The following CSMD3 variants were observed in gnomAD, a reference collection of about 807,000 sequenced individuals.
CSMD3 encodes the protein CUB and Sushi multiple domains 3.
A neutral mutation model predicts 435.2 loss-of-function variants in CSMD3; 177 were observed. The ratio of observed to expected loss-of-function variants is 0.41; its 90% CI spans 0.36 to 0.46. The LOEUF is 0.46. Ranked by LOEUF, CSMD3 falls within the 20% of genes least tolerant of loss-of-function variation. CSMD3 has a pLI of 0.34. For synonymous variants in CSMD3, 1,656 were observed against 1,520.5 expected (o/e 1.09, Z -2.07); for missense variants, 4,265 against 4,504.6 (o/e 0.95, Z 1.52).
intron 3 of CSMD3, among the ~76,000 whole-genome samples, chr8:113,213,706 G>T (rs1040666364): frequency 3.3e-5 from 5 of 151,770 alleles, no homozygotes; most frequent in African/African-American, 1.2e-4. Context: ...CTATTACAAT[G>T]ATTTTATAAT....
intron 3 of CSMD3, among the ~76,000 whole-genome samples, chr8:113,194,281 T>C (rs2092625242): frequency 6.6e-6 from 1 of 151,270 alleles, no homozygotes; most frequent in Non-Finnish European, 1.5e-5. Flanking sequence ...TAACTAAATG[T>C]AGTTGTCAGT....
chr8:112,980,710 C>T (rs555702728), intron 6 of CSMD3, among the ~76,000 whole-genome samples: 3 of 151,250 alleles, frequency 2.0e-5, no homozygotes, highest in South Asian at 2.1e-4. Flanking sequence ...TAATTGAATA[C>T]GAGGGTATGA....
intron 61 of CSMD3, among the ~76,000 whole-genome samples, chr8:112,261,907 T>C (rs986091470): frequency 1.3e-5 from 2 of 151,710 alleles, no homozygotes; most frequent in African/African-American, 4.8e-5. Flanking sequence ...TTTTTTATTT[T>C]AGAAAAAAAA....
At chr8:113,102,055 TCCA>T (rs2090346264) in intron 4 of CSMD3, among the ~76,000 whole-genome samples, 1 of 152,136 alleles carries the variant, frequency 6.6e-6, no homozygotes, top group African/African-American at 2.4e-5. Flanking sequence ...AACTCTTGAA[TCCA>T]GTGCTGTGCT....
chr8:112,378,647 A>AGAGGCT, intron 38 of CSMD3, among the ~76,000 whole-genome samples: 1 of 152,302 alleles, frequency 6.6e-6, no homozygotes, highest in East Asian at 1.9e-4. Flanking sequence ...GATGATTACC[A>AGAGGCT]GAGGCTGACT....
chr8:113,283,305 G>A (rs1039562533), intron 2 of CSMD3, among the ~76,000 whole-genome samples: 2 of 152,008 alleles, frequency 1.3e-5, no homozygotes, highest in African/African-American at 4.8e-5. Flanking sequence ...ACAACCCACA[G>A]AGTGTGAGAA....
At chr8:112,898,851 T>C (rs2082024556) in intron 10 of CSMD3, among the ~76,000 whole-genome samples, 1 of 151,180 alleles carries the variant, frequency 6.6e-6, no homozygotes. Context: ...AATCCCCAAA[T>C]CTTTGTTGGA....
At chr8:113,371,795 C>A (rs1438134068) in intron 1 of CSMD3, among the ~76,000 whole-genome samples, 2 of 152,100 alleles carry the variant, frequency 1.3e-5, no homozygotes, top group African/African-American at 4.8e-5. Flanking sequence ...TACAAACGCA[C>A]TAAACAACTG....
Position 112,237,329 on chromosome 8 carries a change from G to A in CSMD3, c.10488C>T (p.Ala3496=), listed in dbSNP as rs2129993643. 6.2e-7 allele frequency: 1 copy of A among 1,610,764 alleles called. No homozygotes were observed. Residue 3496 remains alanine, a synonymous_variant, in exon 67 of 71, where the codon GCC becomes GCT. Transcript: ENST00000297405. The part of the protein sequence containing the change: ...PKLSVPDDVF[A]QNYIWKGSYN... The stretch of plus-strand genomic sequence containing the variant: ...AAGAGCCTTTCCATATATAATTTTG[G>A]GCAAATACATCATCAGGAACTGTGA...
At chr8:112,870,645 T>C (rs943881407) in intron 10 of CSMD3, among the ~76,000 whole-genome samples, 2 of 152,126 alleles carry the variant, frequency 1.3e-5, no homozygotes, top group Non-Finnish European at 2.9e-5. Context: ...GACTATTAGA[T>C]AATATGTTTT....
intron 4 of CSMD3, among the ~76,000 whole-genome samples, chr8:113,167,463 C>T (rs1192411118): frequency 1.3e-5 from 2 of 152,152 alleles, no homozygotes; most frequent in African/African-American, 4.8e-5. Flanking sequence ...AGGTCTTCTA[C>T]CCCTAAAGAC....
At chr8:112,941,451 T>G (rs1384605560) in intron 9 of CSMD3, among the ~76,000 whole-genome samples, 1 of 151,822 alleles carries the variant, frequency 6.6e-6, no homozygotes, top group Non-Finnish European at 1.5e-5. Flanking sequence ...ATCGGCAGCT[T>G]GTAAAACTGA....
intron 5 of CSMD3, among the ~76,000 whole-genome samples, chr8:113,088,576 T>G (rs1430026191): frequency 6.6e-6 from 1 of 151,780 alleles, no homozygotes; most frequent in African/African-American, 2.4e-5. Context: ...TGGATGAAGC[T>G]GGAAATCATC....
chr8:113,160,721 T>C (rs2092023269), intron 4 of CSMD3, among the ~76,000 whole-genome samples: 1 of 152,060 alleles, frequency 6.6e-6, no homozygotes, highest in Non-Finnish European at 1.5e-5. Context: ...TATTCAAAAA[T>C]AACTGAACTG....
intron 22 of CSMD3, among the ~76,000 whole-genome samples, chr8:112,616,076 C>T (rs1051893045): frequency 2.6e-4 from 40 of 152,170 alleles, no homozygotes; most frequent in African/African-American, 9.2e-4. Context: ...AAAAGTGACT[C>T]GAGTCAGAAT....
intron 3 of CSMD3, among the ~76,000 whole-genome samples, chr8:113,246,152 T>A (rs1292485367): frequency 6.6e-6 from 1 of 151,956 alleles, no homozygotes; most frequent in Admixed American, 6.6e-5. Context: ...TTTCTTATTA[T>A]TTCTATTTTT....
At chr8:113,182,401 G>T (rs2092434075) in intron 3 of CSMD3, among the ~76,000 whole-genome samples, 2 of 151,844 alleles carry the variant, frequency 1.3e-5, no homozygotes, top group South Asian at 4.1e-4. Flanking sequence ...GGTCTGAATA[G>T]GTTGATACAT....
At chr8:113,365,653 A>G (rs2094306486) in intron 1 of CSMD3, among the ~76,000 whole-genome samples, 1 of 152,048 alleles carries the variant, frequency 6.6e-6, no homozygotes, top group African/African-American at 2.4e-5. Flanking sequence ...TCATACGATG[A>G]TGTTACAAGA....
chr8:113,392,663 G>T (rs2094465898), intron 1 of CSMD3, among the ~76,000 whole-genome samples: 1 of 151,984 alleles, frequency 6.6e-6, no homozygotes, highest in Non-Finnish European at 1.5e-5. Flanking sequence ...AACTATTAGA[G>T]AATGAGTACA....
Sources: gnomAD v4.1 joint callset for allele counts (sites outside exome capture counted in the v4.1 genomes callset) on GRCh38, gnomAD v4.1.1 for gene constraint, MANE v1.5 for transcripts, NCBI Gene and HGNC (gene_info 2026-07-23, HGNC 2026-07-21) for gene names.